The following BACH2 variants were observed in gnomAD, a reference collection of about 807,000 sequenced individuals.
BACH2 encodes transcription regulator protein BACH2.
A neutral mutation model predicts 61.8 loss-of-function variants in BACH2; 5 were observed. The ratio of observed to expected loss-of-function variants is 0.08; its 90% CI spans 0.04 to 0.17. The LOEUF (loss-of-function observed/expected upper bound fraction) is 0.17, where lower values mean the gene tolerates loss of function less well. Among genes scored for constraint, BACH2 ranks in the 10% least tolerant of loss-of-function variants. The pLI is 1.00. For synonymous variants in BACH2, 446 were observed against 440.1 expected, an observed-to-expected ratio of 1.01 and a Z score of -0.17; for missense variants, 824 against 1,091.1, an observed-to-expected ratio of 0.76 and a Z score of 3.45.
chr6:89,956,490 C>T (rs1774435291), intron 6 of BACH2, among the ~76,000 whole-genome samples: 2 of 152,148 alleles, frequency 1.3e-5, no homozygotes, highest in South Asian at 4.1e-4. Context: ...TAACTATGAC[C>T]CTTAATCCTT....
At chr6:90,128,505 T>TG (rs1439422448) in intron 4 of BACH2, among the ~76,000 whole-genome samples, 3 of 152,036 alleles carry the variant, frequency 2.0e-5, no homozygotes, top group African/African-American at 7.2e-5. Context: ...TGCTTGAACC[T>TG]GGGGGGCGGA....
intron 6 of BACH2, among the ~76,000 whole-genome samples, chr6:90,003,232 C>T (rs1429530229): frequency 6.6e-6 from 1 of 152,180 alleles, no homozygotes; most frequent in East Asian, 1.9e-4. Flanking sequence ...ACTCACCTCT[C>T]CCCACCCTGC....
In BACH2 at chr6:89,950,695, C is replaced by T. The variant is rs548454955; in HGVS notation, c.1411G>A (p.Gly471Ser). Reference sequence around the variant, plus strand: ...GCCTGCGAGCTGGGGAGGGACTGGCCGGCTCCCACCCACAGACCCTTTGGC... The same window carrying T: ...GCCTGCGAGCTGGGGAGGGACTGGCTGGCTCCCACCCACAGACCCTTTGGC... ...PVPKGLWVGA[G>S]QSLPSSQAYS... Residue 471 changes from glycine to serine, a missense_variant, in exon 7 of 9, where the codon GGC becomes AGC. By Grantham distance (56) the Gly-to-Ser change is moderately conservative. Coordinates refer to ENST00000257749, the MANE Select transcript of BACH2 (RefSeq NM_021813.4). The surrounding 1 kb of genome is among the most constrained non-coding windows in gnomAD (Gnocchi z 5.3). 1.2e-5 allele frequency: 20 copies of T among 1,614,152 alleles called. No homozygotes were observed. The highest frequency in any genetic ancestry group is 2.2e-5 in the South Asian group (2 of 91,082).
At chr6:90,247,196 C>T (rs1201709067) in intron 3 of BACH2, among the ~76,000 whole-genome samples, 1 of 151,806 alleles carries the variant, frequency 6.6e-6, no homozygotes, top group Non-Finnish European at 1.5e-5. Flanking sequence ...TGTTGTAGTA[C>T]ATTTGACATG....
rs1346820409 is a variant in BACH2 at position 90,039,395 on chromosome 6, T to C, written c.-12-30539A>G. Among the ~76,000 whole-genome samples the C allele has an allele frequency of 2.6e-5, 4 of 152,170 alleles. No homozygotes were observed. The East Asian group carries it at 7.7e-4, about 29-fold the overall frequency. ...CTGCCAGCAATGTACAAGAGTACTT[T>C]TTTTTTTGAGATGGAGTCTCACTGT... On this transcript the variant is annotated intron_variant, in intron 5 of 8. Coordinates refer to ENST00000257749, the MANE Select transcript of BACH2 (RefSeq NM_021813.4).
intron 5 of BACH2, among the ~76,000 whole-genome samples, chr6:90,064,295 G>C (rs537942614): frequency 1.3e-5 from 2 of 152,278 alleles, no homozygotes; most frequent in South Asian, 4.1e-4. Flanking sequence ...CACCTGGCCT[G>C]GCCTTGACAG....
rs1772520213 is a variant in BACH2 at position 89,929,469 on chromosome 6, A to AC, written c.*2938dup. On this transcript the variant is annotated 3_prime_UTR_variant, in exon 9 of 9. Transcript: ENST00000257749. ...GAAAAGACACACACACATCACATGA[A>AC]CAACTGCACGAAGCTAGTCACTGTT... The AC allele has an allele frequency of 6.6e-6, 1 of 152,366 alleles. No individual in the cohort carries two copies. 9.4% of individuals were successfully genotyped at this position (152,366 alleles called of 1,614,324 possible). A position where few individuals can be genotyped will look rare whatever the true frequency, so the allele number is the denominator to read the frequency against.
intron 4 of BACH2, among the ~76,000 whole-genome samples, chr6:90,179,852 AACAAAT>A (rs1298210204): frequency 6.6e-6 from 1 of 152,214 alleles, no homozygotes; most frequent in African/African-American, 2.4e-5. Flanking sequence ...TGTATCTAAG[AACAAAT>A]ACAAAGATGT....
intron 4 of BACH2, among the ~76,000 whole-genome samples, chr6:90,122,320 A>G (rs1400859045): frequency 6.6e-6 from 1 of 152,224 alleles, no homozygotes; most frequent in African/African-American, 2.4e-5. Flanking sequence ...TGAAGCAAGG[A>G]TCGAGTCAGT....
rs1260953992 is a variant in BACH2 at position 89,931,853 on chromosome 6, T to C, written c.*555A>G. 6 of 151,972 alleles carry C rather than the reference T, an allele frequency of 3.9e-5. No homozygotes were observed. 9.4% of individuals were successfully genotyped at this position (151,972 alleles called of 1,614,324 possible). A position where few individuals can be genotyped will look rare whatever the true frequency, so the allele number is the denominator to read the frequency against. Reference sequence around the variant, plus strand: ...AGCATCAGAGACAAAAGAAGAGGAATGTTGGAACCTGTTTCTAAATGAGAA... The same window carrying C: ...AGCATCAGAGACAAAAGAAGAGGAACGTTGGAACCTGTTTCTAAATGAGAA... On this transcript the variant is annotated 3_prime_UTR_variant, in exon 9 of 9. Coordinates refer to ENST00000257749, the MANE Select transcript of BACH2 (RefSeq NM_021813.4).
intron 2 of BACH2, among the ~76,000 whole-genome samples, chr6:90,270,823 A>G (rs1040688367): frequency 2.6e-5 from 4 of 152,234 alleles, no homozygotes; most frequent in African/African-American, 9.6e-5. Flanking sequence ...CCAATTTCCA[A>G]CTATACTACA....
intron 6 of BACH2, among the ~76,000 whole-genome samples, chr6:89,969,204 T>G (rs948421527): frequency 6.6e-6 from 1 of 151,686 alleles, no homozygotes; most frequent in Non-Finnish European, 1.5e-5. Context: ...CAGGAATGTG[T>G]CACCACGCCC....
At chr6:90,016,137 C>T (rs986318475) in intron 5 of BACH2, among the ~76,000 whole-genome samples, 1 of 151,824 alleles carries the variant, frequency 6.6e-6, no homozygotes, top group African/African-American at 2.4e-5. Context: ...TTCTTTTAAC[C>T]TTTTTGTGTT....
intron 2 of BACH2, 23 bp downstream of exon 2, chr6:90,271,826 C>T (rs1354600149): frequency 1.3e-5 from 2 of 152,316 alleles, no homozygotes; most frequent in Non-Finnish European, 2.9e-5. Context: ...GAAACAAAGA[C>T]CAAGCTGAGG....
chr6:90,284,742 A>C (rs1056535188), intron 1 of BACH2, among the ~76,000 whole-genome samples: 3 of 152,220 alleles, frequency 2.0e-5, no homozygotes, highest in Non-Finnish European at 2.9e-5. Flanking sequence ...ATTAAAAAAA[A>C]AAAGCTCAAA....
chr6:90,052,949 T>C (rs929140956), intron 5 of BACH2, among the ~76,000 whole-genome samples: 31 of 152,296 alleles, frequency 2.0e-4, no homozygotes, highest in African/African-American at 7.5e-4. Flanking sequence ...TATAATATTA[T>C]TTTCTATTTG....
At chr6:90,164,864 C>A (rs567109995) in intron 4 of BACH2, among the ~76,000 whole-genome samples, 1 of 152,046 alleles carries the variant, frequency 6.6e-6, no homozygotes, top group African/African-American at 2.4e-5. Context: ...AATTCAACAA[C>A]GCTTCATGCT....
intron 5 of BACH2, among the ~76,000 whole-genome samples, chr6:90,031,215 G>C (rs1042314155): frequency 5.9e-5 from 9 of 151,888 alleles, no homozygotes; most frequent in Non-Finnish European, 1.2e-4. Context: ...AAAATAATAA[G>C]AGCTATCTAT....
At chr6:90,213,762 C>G (rs2127852766) in intron 3 of BACH2, among the ~76,000 whole-genome samples, 1 of 152,314 alleles carries the variant, frequency 6.6e-6, no homozygotes, top group East Asian at 1.9e-4. Context: ...CGCTGCCTTA[C>G]ATACATACAG....
Sources: gnomAD v4.1 joint callset for allele counts (sites outside exome capture counted in the v4.1 genomes callset) on GRCh38, gnomAD v4.1.1 for gene constraint, Gnocchi (gnomAD v3.1) non-coding constraint, MANE v1.5 for transcripts, NCBI Gene and HGNC (gene_info 2026-07-23, HGNC 2026-07-21) for gene names.